DLG2: variants seen among roughly 807,000 people sequenced by gnomAD.
DLG2 encodes the protein discs large MAGUK scaffold protein 2.
DLG2 carries 45 observed loss-of-function variants against 132.5 expected under a neutral mutation model. The observed-to-expected ratio is 0.34, with a 90% CI of 0.27 to 0.44. The LOEUF (loss-of-function observed/expected upper bound fraction) is 0.44, where lower values mean the gene tolerates loss of function less well. Ranked by LOEUF, DLG2 falls within the 20% of genes least tolerant of loss-of-function variation. The pLI is 1.00. For missense variants in DLG2, 1,045 were observed against 1,196.9 expected, an observed-to-expected ratio of 0.87 and a Z score of 1.87; for synonymous variants, 424 against 419.6, an observed-to-expected ratio of 1.01 and a Z score of -0.13.
At chr11:84,599,966 G>A (rs898601320) in intron 6 of DLG2, among the ~76,000 whole-genome samples, 4 of 150,862 alleles carry the variant, frequency 2.7e-5, no homozygotes, top group Non-Finnish European at 5.9e-5. Flanking sequence ...CTGCGAGGCT[G>A]AGGCTGCAGT....
In DLG2 at chr11:84,690,347, C is replaced by T. The variant is rs562853684; in HGVS notation, c.358-155616G>A. ...ATGTTATTTAACATATAACATGGAA[C>T]TTAATTCTACAATGTATACGTAGAT... On this transcript the variant is annotated intron_variant, in intron 6 of 27. Coordinates refer to ENST00000376104, the MANE Select transcript of DLG2 (RefSeq NM_001142699.3). 7.3e-5 allele frequency among the ~76,000 whole-genome samples: 11 copies of T among 151,672 alleles called. No homozygotes were observed. The South Asian group carries it at 8.3e-4, about 11-fold the overall frequency.
chr11:83,480,596 C>T (rs758117287), intron 22 of DLG2: 56 of 1,554,958 alleles, frequency 3.6e-5, no homozygotes, highest in African/African-American at 1.9e-4. Flanking sequence ...CTCCATTTTA[C>T]AGGAACCCGC....
At chr11:84,164,929 C>T (rs2095627876) in intron 8 of DLG2, among the ~76,000 whole-genome samples, 1 of 152,140 alleles carries the variant, frequency 6.6e-6, no homozygotes, top group South Asian at 2.1e-4. Flanking sequence ...CAGAAAAGGA[C>T]TTGATGATGT....
intron 3 of DLG2, among the ~76,000 whole-genome samples, chr11:85,361,302 A>G (rs1251647378): frequency 2.0e-5 from 2 of 101,600 alleles, no homozygotes; most frequent in Non-Finnish European, 4.1e-5. Flanking sequence ...TATTCCACAG[A>G]CTTTTCTATT....
intron 16 of DLG2, among the ~76,000 whole-genome samples, chr11:83,834,415 G>A (rs2055504343): frequency 6.6e-6 from 1 of 152,186 alleles, no homozygotes; most frequent in African/African-American, 2.4e-5. Flanking sequence ...GGTGACAGCA[G>A]TGAGAATTTT....
intron 7 of DLG2, among the ~76,000 whole-genome samples, chr11:84,431,982 T>C (rs551335712): frequency 6.6e-6 from 1 of 152,280 alleles, no homozygotes; most frequent in African/African-American, 2.4e-5. Context: ...AAGACAACTA[T>C]GTGTCAAGCA....
chr11:85,479,613 T>C (rs1235970455), intron 3 of DLG2, among the ~76,000 whole-genome samples: 1 of 152,210 alleles, frequency 6.6e-6, no homozygotes, highest in African/African-American at 2.4e-5. Context: ...TCTCTACTTA[T>C]CAGGAAAATG....
At chr11:83,933,148 G>A (rs915376087) in intron 14 of DLG2, among the ~76,000 whole-genome samples, 2 of 152,210 alleles carry the variant, frequency 1.3e-5, no homozygotes, top group Non-Finnish European at 2.9e-5. Flanking sequence ...TGAAATCTGG[G>A]TGGCAGAACA....
intron 14 of DLG2, among the ~76,000 whole-genome samples, chr11:83,953,005 T>C (rs1449419285): frequency 6.6e-6 from 1 of 152,036 alleles, no homozygotes; most frequent in Non-Finnish European, 1.5e-5. Flanking sequence ...TCTGGAGACA[T>C]ATATAAAGCA....
At chr11:84,211,538 C>T (rs1357000637) in intron 8 of DLG2, among the ~76,000 whole-genome samples, 1 of 152,252 alleles carries the variant, frequency 6.6e-6, no homozygotes. Flanking sequence ...AACCACCAAA[C>T]CCAGCCAATT....
At chr11:84,383,890 G>A (rs571237513) in intron 7 of DLG2, among the ~76,000 whole-genome samples, 1 of 151,938 alleles carries the variant, frequency 6.6e-6, no homozygotes, top group Non-Finnish European at 1.5e-5. Context: ...GACTGTTCGT[G>A]GAAATGTGTT....
At chr11:85,305,523 A>T (rs372716872) in intron 3 of DLG2, among the ~76,000 whole-genome samples, 10 of 151,796 alleles carry the variant, frequency 6.6e-5, no homozygotes, top group Non-Finnish European at 1.0e-4. Flanking sequence ...TTATTTATTT[A>T]TTTTTTTGAG....
chr11:84,636,296 C>T (rs1030070453), intron 6 of DLG2, among the ~76,000 whole-genome samples: 2 of 152,092 alleles, frequency 1.3e-5, no homozygotes, highest in East Asian at 3.8e-4. Flanking sequence ...ATTCTAATGC[C>T]TAGGATTTAT....
At chr11:84,990,858 T>C (rs1222208401) in intron 6 of DLG2, among the ~76,000 whole-genome samples, 1 of 151,974 alleles carries the variant, frequency 6.6e-6, no homozygotes, top group Non-Finnish European at 1.5e-5. Context: ...AACCCAGAAA[T>C]TGCACTCCTG....
intron 3 of DLG2, among the ~76,000 whole-genome samples, chr11:85,517,835 G>C (rs75355764): frequency 2.0e-5 from 3 of 152,264 alleles, no homozygotes; most frequent in East Asian, 3.9e-4. Flanking sequence ...GACCCAGTGG[G>C]AGATAACTGA....
intron 22 of DLG2, chr11:83,483,290 G>A (rs375326116): frequency 7.4e-6 from 12 of 1,612,496 alleles, no homozygotes; most frequent in Non-Finnish European, 1.0e-5. Context: ...CACCTAATCC[G>A]GGGATGTCCT....
intron 7 of DLG2, among the ~76,000 whole-genome samples, chr11:84,304,142 C>A (rs564114928): frequency 6.6e-6 from 1 of 152,164 alleles, no homozygotes; most frequent in Non-Finnish European, 1.5e-5. Flanking sequence ...CATAGTTCCT[C>A]TTCTCTACAG....
chr11:83,648,767 G>A (rs1321566990), intron 18 of DLG2, among the ~76,000 whole-genome samples: 1 of 152,168 alleles, frequency 6.6e-6, no homozygotes, highest in Non-Finnish European at 1.5e-5. Flanking sequence ...CTTCTCTATG[G>A]ATGTAGACAT....
intron 3 of DLG2, among the ~76,000 whole-genome samples, chr11:85,511,143 G>T (rs2094057342): frequency 6.6e-6 from 1 of 152,014 alleles, no homozygotes; most frequent in Middle Eastern, 3.2e-3. Context: ...AACACCGCAT[G>T]TTCTCACTCA....
Sources: allele counts gnomAD v4.1 joint callset (sites outside exome capture counted in the v4.1 genomes callset), GRCh38; gene constraint gnomAD v4.1.1; transcripts MANE v1.5; gene names NCBI Gene and HGNC (gene_info 2026-07-23, HGNC 2026-07-21).